BACH2: variants seen among roughly 807,000 people sequenced by gnomAD.
The protein encoded by BACH2 is BACH transcriptional regulator 2.
Under a neutral mutation model 61.8 loss-of-function variants are expected in BACH2, and 5 were observed. The ratio of observed to expected loss-of-function variants is 0.08; its 90% CI spans 0.04 to 0.17. The LOEUF is 0.17. BACH2 is among the 10% of genes least tolerant of loss of function. The probability of loss-of-function intolerance (pLI) is 1.00; values close to 1 mark genes in which losing one functional copy is unlikely to be tolerated. For synonymous variants in BACH2, 446 were observed against 440.1 expected, an observed-to-expected ratio of 1.01 and a Z score of -0.17; for missense variants, 824 against 1,091.1, an observed-to-expected ratio of 0.76 and a Z score of 3.45.
At chr6:90,112,673 T>C (rs1783225928) in intron 4 of BACH2, among the ~76,000 whole-genome samples, 1 of 152,154 alleles carries the variant, frequency 6.6e-6, no homozygotes, top group Non-Finnish European at 1.5e-5. Context: ...AGACCAGTGT[T>C]ACTTGCAAAG....
chr6:90,185,887 C>T (rs900966548), intron 4 of BACH2, among the ~76,000 whole-genome samples: 22 of 152,292 alleles, frequency 1.4e-4, no homozygotes, highest in African/African-American at 5.1e-4. Context: ...ATGATGATTA[C>T]GCAAATGTAG....
chr6:90,058,596 C>G (rs1780501087), intron 5 of BACH2, among the ~76,000 whole-genome samples: 1 of 152,038 alleles, frequency 6.6e-6, no homozygotes, highest in South Asian at 2.1e-4. Context: ...CTACCAATGA[C>G]TTTCTTCACA....
At chr6:90,157,732 A>C (rs1050312899) in intron 4 of BACH2, among the ~76,000 whole-genome samples, 2 of 152,232 alleles carry the variant, frequency 1.3e-5, no homozygotes, top group Middle Eastern at 6.8e-3. Context: ...AAATACTCCA[A>C]CCAAATCAGG....
At chr6:90,057,966 C>T (rs531409851) in intron 5 of BACH2, among the ~76,000 whole-genome samples, 24 of 152,270 alleles carry the variant, frequency 1.6e-4, no homozygotes, top group African/African-American at 5.3e-4. Flanking sequence ...ATTGATGGGA[C>T]GTATCTCAAA....
In BACH2 at chr6:89,951,183, T is replaced by C; in HGVS notation, c.923A>G (p.Glu308Gly). Residue 308 changes from glutamate (E) to glycine (G), a missense_variant, in exon 7 of 9, where the codon GAG becomes GGG. Coordinates refer to ENST00000257749, the MANE Select transcript of BACH2 (RefSeq NM_021813.4). The surrounding 1 kb of genome is among the most constrained non-coding windows in gnomAD (Gnocchi z 6.4). The part of the protein sequence containing the change: ...PDAKDRAGDV[E>G]MDRKQPSPAP... ...AGGGCTGGGCTGTTTCCGGTCCATCTCGACATCCCCCGCTCTGTCCTTGGC... is the reference window on the plus strand; with the variant it reads ...AGGGCTGGGCTGTTTCCGGTCCATCCCGACATCCCCCGCTCTGTCCTTGGC... The C allele has an allele frequency of 1.2e-6, 2 of 1,613,800 alleles. No homozygotes were observed. Among genetic ancestry groups the C allele is most frequent in the Non-Finnish European group, 1.7e-6 (2 of 1,179,996 alleles).
At chr6:90,073,118 C>T (rs368748887) in intron 5 of BACH2, among the ~76,000 whole-genome samples, 2 of 152,222 alleles carry the variant, frequency 1.3e-5, no homozygotes, top group Admixed American at 6.5e-5. Flanking sequence ...CCCGCTTGGG[C>T]GAGGTTTCAA....
intron 4 of BACH2, among the ~76,000 whole-genome samples, chr6:90,148,611 G>C (rs76522967): frequency 0.027 from 4,079 of 152,006 alleles, 201 homozygotes; most frequent in African/African-American, 0.093. Context: ...CAAGTGACAT[G>C]GTAAAAATTG....
At chr6:90,146,281 T>C (rs1039119645) in intron 4 of BACH2, among the ~76,000 whole-genome samples, 1 of 152,236 alleles carries the variant, frequency 6.6e-6, no homozygotes, top group Non-Finnish European at 1.5e-5. Flanking sequence ...CTGATTCCTA[T>C]GGCTTGCCTT....
At chr6:90,176,356 A>C in intron 4 of BACH2, among the ~76,000 whole-genome samples, 1 of 152,292 alleles carries the variant, frequency 6.6e-6, no homozygotes, top group South Asian at 2.1e-4. Flanking sequence ...AAATACTGAG[A>C]GTTTGAGAGT....
rs993335793 is a variant in BACH2 at position 90,129,464 on chromosome 6, C to A, written c.-161-40355G>T. Among the ~76,000 whole-genome samples the A allele has an allele frequency of 5.3e-5, 8 of 152,202 alleles. No individual in the cohort carries two copies. The South Asian group carries it at 1.5e-3, about 28-fold the overall frequency. The stretch of plus-strand genomic sequence containing the variant: ...TTCCCTCCCCTCACCTCCCAACAGG[C>A]CATGGTGTGTGTTGTTCCCCTCTCT... On this transcript the variant is annotated intron_variant, in intron 4 of 8. Coordinates refer to ENST00000257749, the MANE Select transcript of BACH2 (RefSeq NM_021813.4).
At position 89,950,168 on chromosome 6, in the gene BACH2, T is replaced by C. The variant is rs769793136; in HGVS notation, c.1836+102A>G. ...AGTCTCTCTACTGTCATCTTTAATCTTAGCACGTAAGAACAATGTGGGAGT... is the reference window on the plus strand; with the variant it reads ...AGTCTCTCTACTGTCATCTTTAATCCTAGCACGTAAGAACAATGTGGGAGT... On this transcript the variant is annotated intron_variant, in intron 7 of 8. Coordinates refer to ENST00000257749, the MANE Select transcript of BACH2 (RefSeq NM_021813.4). This position sits in a 1 kb window ranked among gnomAD's most constrained non-coding sequence, Gnocchi z 5.3. 7.3e-7 allele frequency: 1 copy of C among 1,363,610 alleles called. No individual in the cohort carries two copies. The highest frequency in any genetic ancestry group is 1.2e-5 in the South Asian group (1 of 84,840). 84.5% of individuals were successfully genotyped at this position (1,363,610 alleles called of 1,614,324 possible).
chr6:90,176,679 A>G (rs749914736), intron 4 of BACH2, among the ~76,000 whole-genome samples: 7 of 152,146 alleles, frequency 4.6e-5, no homozygotes, highest in Admixed American at 3.3e-4. Context: ...CAAGCGTCAG[A>G]ACTGCTCAAC....
intron 3 of BACH2, among the ~76,000 whole-genome samples, chr6:90,249,999 C>T (rs532492513): frequency 8.5e-5 from 13 of 152,258 alleles, no homozygotes; most frequent in African/African-American, 2.9e-4. Flanking sequence ...TTGGCCACTT[C>T]CAGACCATGT....
At chr6:90,192,709 C>G (rs1768617137) in intron 4 of BACH2, among the ~76,000 whole-genome samples, 2 of 152,186 alleles carry the variant, frequency 1.3e-5, no homozygotes, top group Admixed American at 6.5e-5. Flanking sequence ...TTGGATTTCA[C>G]TAGTTTCACA....
intron 4 of BACH2, among the ~76,000 whole-genome samples, chr6:90,115,329 A>G (rs2127817657): frequency 6.6e-6 from 1 of 152,174 alleles, no homozygotes; most frequent in African/African-American, 2.4e-5. Context: ...CAAACACATA[A>G]ACCAATGGAA....
At chr6:90,262,878 T>G (rs1038812176) in intron 2 of BACH2, among the ~76,000 whole-genome samples, 1 of 152,140 alleles carries the variant, frequency 6.6e-6, no homozygotes, top group African/African-American at 2.4e-5. Context: ...CTAACACAAA[T>G]TGGAAACAGG....
chr6:90,085,185 A>T (rs1781882329), intron 5 of BACH2, among the ~76,000 whole-genome samples: 1 of 152,172 alleles, frequency 6.6e-6, no homozygotes, highest in Non-Finnish European at 1.5e-5. Context: ...TGGGGGATAA[A>T]TCTTGCTTCA....
chr6:90,275,532 T>C (rs1771662306), intron 1 of BACH2, among the ~76,000 whole-genome samples: 1 of 152,356 alleles, frequency 6.6e-6, no homozygotes, highest in South Asian at 2.1e-4. Context: ...CAGGGTTACA[T>C]GTGCAGATTT....
At chr6:90,122,044 T>C (rs1783650172) in intron 4 of BACH2, among the ~76,000 whole-genome samples, 2 of 152,138 alleles carry the variant, frequency 1.3e-5, no homozygotes, top group Admixed American at 1.3e-4. Flanking sequence ...GCTGTAAAGG[T>C]TGATTCTGGG....
Sources: allele counts gnomAD v4.1 joint callset (sites outside exome capture counted in the v4.1 genomes callset), GRCh38; gene constraint gnomAD v4.1.1; non-coding constraint Gnocchi (gnomAD v3.1); transcripts MANE v1.5; gene names NCBI Gene and HGNC (gene_info 2026-07-23, HGNC 2026-07-21).